Variants in GRIP1 observed in about 807,000 individuals in gnomAD.
The protein encoded by GRIP1 is glutamate receptor-interacting protein 1.
GRIP1 carries 45 observed loss-of-function variants against 129.9 expected under a neutral mutation model. The ratio of observed to expected loss-of-function variants is 0.35; its 90% CI spans 0.27 to 0.44. GRIP1 has a LOEUF of 0.44. Ranked by LOEUF, GRIP1 falls within the 20% of genes least tolerant of loss-of-function variation. GRIP1 has a pLI of 1.00. For synonymous variants in GRIP1, 530 were observed against 520.8 expected (o/e 1.02, Z -0.24); for missense variants, 1,196 against 1,396.8 (o/e 0.86, Z 2.29).
chr12:66,644,951 T>C (rs1349884206), intron 1 of GRIP1, among the ~76,000 whole-genome samples: 1 of 152,210 alleles, frequency 6.6e-6, no homozygotes, highest in Non-Finnish European at 1.5e-5. Context: ...AGACCATGTT[T>C]AGTGGAAGAA....
intron 1 of GRIP1, among the ~76,000 whole-genome samples, chr12:66,800,900 T>C (rs2038838779): frequency 6.6e-6 from 1 of 152,102 alleles, no homozygotes; most frequent in African/African-American, 2.4e-5. Context: ...TACAAACATC[T>C]TCAGAATTTC....
At chr12:66,858,001 G>A (rs966735868) in intron 1 of GRIP1, among the ~76,000 whole-genome samples, 27 of 151,886 alleles carry the variant, frequency 1.8e-4, no homozygotes, top group Non-Finnish European at 3.8e-4. Flanking sequence ...AGGAGTGTGA[G>A]GTTTATAGAG....
chr12:66,368,881 G>GTGGAT (rs2055307577), intron 23 of GRIP1, among the ~76,000 whole-genome samples: 1 of 152,136 alleles, frequency 6.6e-6, no homozygotes, highest in Non-Finnish European at 1.5e-5. Context: ...CAAAATTGGA[G>GTGGAT]GGTGTGCCTA....
chr12:66,550,040 T>C (rs1021680922), intron 2 of GRIP1, among the ~76,000 whole-genome samples: 3 of 152,192 alleles, frequency 2.0e-5, no homozygotes, highest in Non-Finnish European at 4.4e-5. Flanking sequence ...AGGTATCAAA[T>C]GCCTTCTAAA....
Position 66,736,471 on chromosome 12 carries a change from C to A in GRIP1, c.-420+67582G>T, listed in dbSNP as rs114329583. Among the ~76,000 whole-genome samples, 947 of 144,478 alleles carry A rather than the reference C, an allele frequency of 6.6e-3. 7 individuals are homozygous for A. Among genetic ancestry groups the A allele is most frequent in the African/African-American group, 0.022 (863 of 39,026 alleles). 94.8% of individuals were successfully genotyped at this position (144,478 alleles called of 152,430 possible). A position where few individuals can be genotyped will look rare whatever the true frequency, so the allele number is the denominator to read the frequency against. ...CATATTTTTGTATAAGTATTATATA[C>A]TGTATTCTTAAAGCTAGAAAGAAAA... On this transcript the variant is annotated intron_variant, in intron 1 of 4. Transcript: ENST00000538373.
chr12:66,947,923 CTA>C (rs1365253969), intron 1 of GRIP1, among the ~76,000 whole-genome samples: 1 of 152,194 alleles, frequency 6.6e-6, no homozygotes, highest in Non-Finnish European at 1.5e-5. Flanking sequence ...TGCTCCTGCA[CTA>C]TCTTTTTCCT....
upstream of GRIP1, chr12:66,679,086 G>A: frequency 4.7e-6 from 7 of 1,499,608 alleles, no homozygotes; most frequent in Middle Eastern, 2.2e-4. Flanking sequence ...TGGCAAATCT[G>A]TGTCATTCAC....
chr12:66,844,022 TG>T (rs1267541412), intron 1 of GRIP1, among the ~76,000 whole-genome samples: 1 of 152,176 alleles, frequency 6.6e-6, no homozygotes, highest in Non-Finnish European at 1.5e-5. Flanking sequence ...AGTCAGCCTT[TG>T]GAATGGGAGA....
intron 2 of GRIP1, among the ~76,000 whole-genome samples, chr12:66,570,146 T>A (rs1261911047): frequency 1.3e-5 from 2 of 152,062 alleles, no homozygotes; most frequent in African/African-American, 4.8e-5. Context: ...AGAGACAGGG[T>A]CTTACTCCGT....
chr12:66,459,764 T>C (rs2059079509), intron 9 of GRIP1, among the ~76,000 whole-genome samples: 1 of 152,190 alleles, frequency 6.6e-6, no homozygotes. Context: ...GAACAAATAA[T>C]GTAGGCCAGA....
chr12:66,597,618 A>G (rs1169487951), intron 1 of GRIP1, among the ~76,000 whole-genome samples: 11 of 152,196 alleles, frequency 7.2e-5, no homozygotes, highest in Admixed American at 7.2e-4. Context: ...TAACTTGCAG[A>G]ATTATTAAAA....
At chr12:66,797,904 C>T (rs1457599805) in intron 1 of GRIP1, among the ~76,000 whole-genome samples, 2 of 152,152 alleles carry the variant, frequency 1.3e-5, no homozygotes, top group African/African-American at 4.8e-5. Flanking sequence ...TCTGATTGAC[C>T]TAGCTGTTTA....
At chr12:66,819,808 G>A (rs951693607) in intron 1 of GRIP1, among the ~76,000 whole-genome samples, 1 of 151,862 alleles carries the variant, frequency 6.6e-6, no homozygotes, top group African/African-American at 2.4e-5. Context: ...GATATCATAG[G>A]GCAAACCACT....
intron 1 of GRIP1, chr12:67,068,968 G>A (rs1592541129): frequency 1.6e-6 from 1 of 621,502 alleles, no homozygotes; most frequent in East Asian, 1.4e-4. Context: ...GACGGGTCGG[G>A]AGGGAGCCGG....
At chr12:66,580,068 A>G (rs1208039423) in intron 2 of GRIP1, among the ~76,000 whole-genome samples, 1 of 149,168 alleles carries the variant, frequency 6.7e-6, no homozygotes, top group African/African-American at 2.5e-5. Context: ...CTTGGCAGAA[A>G]CTCTACAAGC....
intron 10 of GRIP1, 151 bp downstream of exon 10, chr12:66,456,036 A>G: frequency 2.4e-6 from 1 of 420,444 alleles, no homozygotes; most frequent in Non-Finnish European, 4.3e-6. Flanking sequence ...TCTGATGGAA[A>G]AGAAAAAAAC....
intron 1 of GRIP1, among the ~76,000 whole-genome samples, chr12:66,809,925 G>A (rs1239257293): frequency 6.6e-6 from 1 of 151,742 alleles, no homozygotes; most frequent in Non-Finnish European, 1.5e-5. Flanking sequence ...CAAAGTGCTG[G>A]GATTACAGGC....
At chr12:66,547,959 T>C (rs1010161329) in intron 2 of GRIP1, among the ~76,000 whole-genome samples, 1 of 152,190 alleles carries the variant, frequency 6.6e-6, no homozygotes, top group African/African-American at 2.4e-5. Context: ...TACAACTGCA[T>C]ATGAATCTAC....
upstream of GRIP1, chr12:67,069,299 G>A: frequency 1.0e-5 from 1 of 96,326 alleles, no homozygotes; most frequent in East Asian, 5.2e-4. Flanking sequence ...CAAACTCGCC[G>A]GCGGCTCCGG....
Sources: allele counts gnomAD v4.1 joint callset (sites outside exome capture counted in the v4.1 genomes callset), GRCh38; gene constraint gnomAD v4.1.1; transcripts MANE v1.5; gene names NCBI Gene and HGNC (gene_info 2026-07-23, HGNC 2026-07-21).